The following NLRC3 variants were observed in gnomAD, a reference collection of about 807,000 sequenced individuals.
NLRC3 encodes the protein NLR family CARD domain containing 3.
Under a neutral mutation model 91.6 loss-of-function variants are expected in NLRC3, and 87 were observed. That is an observed-to-expected ratio of 0.95 (90% CI 0.80 to 1.14). The LOEUF (loss-of-function observed/expected upper bound fraction) is 1.14. Ranked by LOEUF, NLRC3 falls within the 50% of genes most tolerant of loss-of-function variation. The pLI is 0.00. For missense variants in NLRC3, 1,577 were observed against 1,418.6 expected, an observed-to-expected ratio of 1.11 and a Z score of -1.79; for synonymous variants, 694 against 625.3, an observed-to-expected ratio of 1.11 and a Z score of -1.64.
At chr16:3,557,741 C>A in intron 6 of NLRC3, 65 bp from the exon 7 acceptor site, 1 of 999,238 alleles carries the variant, frequency 1.0e-6, no homozygotes, top group South Asian at 1.4e-5. Context: ...TCTTCCTCAA[C>A]GCTGTGCCCG....
rs377575410 is a variant in NLRC3, at chr16:3,564,077, C to A, written c.860G>T (p.Arg287Leu). 5 of 1,613,456 alleles carry A rather than the reference C, an allele frequency of 3.1e-6. No individual in the cohort carries two copies. In the Admixed American group the frequency reaches 6.7e-5, roughly 22 times the overall value. ...GGLVDRMTEI[R>L]GFNEEEIKVC... is the part of the protein sequence containing the mutation. ...CTTGATCTCCTCCTCGTTAAAGCCCCGGATCTCCGTCATCCGGTCCACCAG... is the reference window on the plus strand; with the variant it reads ...CTTGATCTCCTCCTCGTTAAAGCCCAGGATCTCCGTCATCCGGTCCACCAG... Residue 287 changes from arginine to leucine, a missense_variant, in exon 5 of 20, where the codon CGG becomes CTG. Transcript: ENST00000359128. This position sits in a 1 kb window ranked among gnomAD's most constrained non-coding sequence, Gnocchi z 5.9.
intron 16 of NLRC3, 73 bp from the exon 17 acceptor site, chr16:3,543,581 C>T (rs2038525394): frequency 2.0e-6 from 2 of 997,910 alleles, no homozygotes; most frequent in East Asian, 5.0e-5. Context: ...TTCCCTTTCA[C>T]CACCCCTTGA....
rs1222858846 is a variant in NLRC3 at position 3,565,330 on chromosome 16, C to T, written c.-36G>A. ...GCCCTGCCACTTACCAGATAGGTGA[C>T]TGAGGGCAGGCTGAGTCACCTCTCT... On this transcript the variant is annotated 5_prime_UTR_variant, in exon 3 of 20. Coordinates refer to ENST00000359128, the MANE Select transcript of NLRC3 (RefSeq NM_178844.4). The T allele has an allele frequency of 3.1e-6, 2 of 645,848 alleles. No individual in the cohort carries two copies. The highest frequency in any genetic ancestry group is 5.7e-6 in the Non-Finnish European group (2 of 348,676). The allele number at this position is 645,848 out of a possible 1,614,324, so 40.0% of individuals were successfully genotyped here.
In NLRC3 at chr16:3,561,918, C is replaced by T. The variant is rs1015664912; in HGVS notation, c.1929-130G>A. The T allele has an allele frequency of 1.8e-5, 12 of 669,386 alleles. No individual in the cohort carries two copies. In the African/African-American group the frequency reaches 2.0e-4, roughly 11 times the overall value. 41.5% of individuals were successfully genotyped at this position (669,386 alleles called of 1,614,324 possible). ...CCGCAGCTCTGAGATCTGCGCTCAGCCCCAGTGCTCAGACCTTTCCCGTGA... is the reference window on the plus strand; with the variant it reads ...CCGCAGCTCTGAGATCTGCGCTCAGTCCCAGTGCTCAGACCTTTCCCGTGA... On this transcript the variant is annotated intron_variant, in intron 5 of 19. Transcript: ENST00000359128.
chr16:3,563,639 G>C lies in NLRC3; in HGVS notation c.1298C>G (p.Ala433Gly). ...TCTCTGCAGGAAGCAGCTGCACGGGGCGCCCTGCAGCAGAGCGAGGTCTAC... is the reference window on the plus strand; with the variant it reads ...TCTCTGCAGGAAGCAGCTGCACGGGCCGCCCTGCAGCAGAGCGAGGTCTAC... Reference protein sequence around the residue: ...FGVDLALLQGAPCSCFLQREE... With the variant: ...FGVDLALLQGGPCSCFLQREE... Residue 433 changes from alanine (A) to glycine (G), a missense_variant, in exon 5 of 20, where the codon GCC (alanine) becomes GGC (glycine). By Grantham distance (60) the Ala-to-Gly change is moderately conservative (BLOSUM62 0). Transcript: ENST00000359128. 1 of 1,612,018 alleles carries C rather than the reference G, an allele frequency of 6.2e-7. No individual in the cohort carries two copies. The highest frequency in any genetic ancestry group is 8.5e-7 in the Non-Finnish European group (1 of 1,179,282).
chr16:3,550,117 G>A (rs1484882936), intron 11 of NLRC3, among the ~76,000 whole-genome samples: 2 of 152,154 alleles, frequency 1.3e-5, no homozygotes, highest in Admixed American at 6.5e-5. Flanking sequence ...TGGGTGTAGC[G>A]CTGAGCTCTC....
At chr16:3,543,013 C>G in intron 17 of NLRC3, 1 of 548,394 alleles carries the variant, frequency 1.8e-6, no homozygotes, top group Non-Finnish European at 3.3e-6. Flanking sequence ...CCTCCTCTTC[C>G]ATTTCAAACA....
At chr16:3,566,778 C>A (rs1363926347) in intron 2 of NLRC3, among the ~76,000 whole-genome samples, 1 of 151,834 alleles carries the variant, frequency 6.6e-6, no homozygotes, top group African/African-American at 2.4e-5. Context: ...GTAATCCCAG[C>A]TACTCAGGAG....
Position 3,541,748 on chromosome 16 carries a change from GC to G in NLRC3, c.*76del. 4 of 942,392 alleles carry G rather than the reference GC, an allele frequency of 4.2e-6. No individual in the cohort carries two copies. The highest frequency in any genetic ancestry group is 6.7e-6 in the Non-Finnish European group (4 of 594,114). 58.4% of individuals were successfully genotyped at this position (942,392 alleles called of 1,614,324 possible). ...AGCAGCGTTCCCAGCTCCCAGACAG[GC>G]CCCCCAGAAGTCGGCCTTTCTGTTC... On this transcript the variant is annotated 3_prime_UTR_variant, in exon 20 of 20. Transcript: ENST00000359128.
intron 18 of NLRC3, 131 bp downstream of exon 18, chr16:3,542,561 A>C: frequency 1.5e-6 from 1 of 654,164 alleles, no homozygotes; most frequent in Non-Finnish European, 2.7e-6. Context: ...TGTGGACTAT[A>C]ATAAGTCTGA....
Position 3,540,911 on chromosome 16 carries a change from A to G in NLRC3, c.*914T>C, listed in dbSNP as rs1377137177. 2 of 152,048 alleles carry G rather than the reference A, an allele frequency of 1.3e-5. No homozygotes were observed. The allele number at this position is 152,048 out of a possible 1,614,324, so 9.4% of individuals were successfully genotyped here. On this transcript the variant is annotated 3_prime_UTR_variant, in exon 20 of 20. Transcript: ENST00000359128. Reference sequence around the variant, plus strand: ...CACCCATGTCTTTGATTTTGTAATAAATAAAAAATGGGGCCAGGTGTGGTG... The same window carrying G: ...CACCCATGTCTTTGATTTTGTAATAGATAAAAAATGGGGCCAGGTGTGGTG...
chr16:3,548,337 C>T (rs2038808012), intron 14 of NLRC3, 119 bp from the exon 15 acceptor site: 4 of 776,986 alleles, frequency 5.1e-6, no homozygotes, highest in Non-Finnish European at 8.5e-6. Context: ...AGGAGAATTC[C>T]TGCAACCCCT....
chr16:3,543,639 C>T (rs2038528946), intron 16 of NLRC3, 131 bp from the exon 17 acceptor site: 1 of 676,820 alleles, frequency 1.5e-6, no homozygotes, highest in Non-Finnish European at 2.7e-6. Context: ...TTGGCCAGCG[C>T]TGTGTCTAGG....
Position 3,554,278 on chromosome 16 carries a change from T to C in NLRC3, c.2231A>G (p.Glu744Gly), listed in dbSNP as rs567612917. 7 of 1,613,830 alleles carry C rather than the reference T, an allele frequency of 4.3e-6. No homozygotes were observed. The South Asian group carries it at 7.7e-5, about 18-fold the overall frequency. ...VRDDGARSMA[E>G]ALASNRTLSM... ...GAGGGTCCGGTTGGAGGCCAAGGCC[T>C]CAGCCATGGACCTGGCACCATCATC... Residue 744 changes from glutamate to glycine, a missense_variant, in exon 9 of 20, where the codon GAG (glutamate) becomes GGG (glycine). Physicochemically the swap from Glu to Gly is moderately conservative, Grantham distance 98. Coordinates refer to ENST00000359128, the MANE Select transcript of NLRC3 (RefSeq NM_178844.4).
chr16:3,561,911 C>T (rs540401750), intron 5 of NLRC3, 123 bp from the exon 6 acceptor site: 27 of 698,764 alleles, frequency 3.9e-5, no homozygotes, highest in African/African-American at 8.8e-5. Flanking sequence ...CTGAGATCTG[C>T]GCTCAGCCCC....
rs760538509 is a variant in NLRC3, at chr16:3,564,832, C to T, written c.178+27G>A. 11 of 1,585,504 alleles carry T rather than the reference C, an allele frequency of 6.9e-6. No homozygotes were observed. The highest frequency in any genetic ancestry group is 4.5e-5 in the South Asian group (4 of 89,038). ...CAATCAGCCCAGGTGTTCCCCACCC[C>T]GCGTCTGCCTCCCAAGCCGGTCCTA... On this transcript the variant is annotated intron_variant, in intron 4 of 19. Transcript: ENST00000359128. This position sits in a 1 kb window ranked among gnomAD's most constrained non-coding sequence, Gnocchi z 5.9.
At chr16:3,557,179 G>A (rs79036469) in intron 7 of NLRC3, among the ~76,000 whole-genome samples, 185 bp from the exon 8 acceptor site, 4,867 of 152,322 alleles carry the variant, frequency 0.032, 252 homozygotes, top group African/African-American at 0.11. Flanking sequence ...CCCCACGACT[G>A]TCTCAGGTGT....
chr16:3,565,759 A>G (rs117845142), intron 2 of NLRC3, among the ~76,000 whole-genome samples: 4 of 151,044 alleles, frequency 2.6e-5, no homozygotes, highest in Non-Finnish European at 4.4e-5. Context: ...GAGTGAGCCC[A>G]TGGCTGGGCA....
chr16:3,548,455 C>G (rs1288273642), intron 14 of NLRC3, among the ~76,000 whole-genome samples: 1 of 152,226 alleles, frequency 6.6e-6, no homozygotes, highest in African/African-American at 2.4e-5. Context: ...TGCCTGGAGG[C>G]CCAGCTGTGA....
Sources: allele counts gnomAD v4.1 joint callset (sites outside exome capture counted in the v4.1 genomes callset), GRCh38; gene constraint gnomAD v4.1.1; non-coding constraint Gnocchi (gnomAD v3.1); transcripts MANE v1.5; gene names NCBI Gene and HGNC (gene_info 2026-07-23, HGNC 2026-07-21).